Variants in JPH3 observed in about 807,000 individuals in gnomAD.
The protein encoded by JPH3 is junctophilin-3.
A neutral mutation model predicts 59.6 loss-of-function variants in JPH3; 11 were observed. The observed-to-expected ratio is 0.18, with a 90% CI of 0.12 to 0.31. JPH3 has a LOEUF of 0.31. Among genes scored for constraint, JPH3 ranks in the 10% least tolerant of loss-of-function variants. JPH3 has a pLI of 1.00. For synonymous variants in JPH3, 673 were observed against 483.6 expected, an observed-to-expected ratio of 1.39 and a Z score of -5.14; for missense variants, 1,202 against 1,105.7, an observed-to-expected ratio of 1.09 and a Z score of -1.24.
intron 1 of JPH3, among the ~76,000 whole-genome samples, chr16:87,625,893 C>T (rs1187947642): frequency 2.6e-5 from 4 of 152,196 alleles, no homozygotes; most frequent in African/African-American, 7.2e-5. Context: ...ATGACCTCCA[C>T]CTGCCAACCT....
At chr16:87,658,707 AC>A (rs939724875) in intron 2 of JPH3, among the ~76,000 whole-genome samples, 2 of 152,164 alleles carry the variant, frequency 1.3e-5, no homozygotes, top group East Asian at 3.9e-4. Flanking sequence ...AGGAGGACTC[AC>A]CCCCCTGCAG....
intron 1 of JPH3, chr16:87,604,056 C>G (rs1346365901): frequency 1.0e-6 from 1 of 984,862 alleles, no homozygotes; most frequent in African/African-American, 1.7e-5. Flanking sequence ...GGATGCCAAC[C>G]CGAACCAAAA....
At position 87,663,115 on chromosome 16, in the gene JPH3, C is replaced by CTTTTTTTTTTTTTTT. The variant is rs60196379; in HGVS notation, c.1160+18091_1160+18092insTTTTTTTTTTTTTTT. Among the ~76,000 whole-genome samples, 50 of 143,456 alleles carry CTTTTTTTTTTTTTTT rather than the reference C, an allele frequency of 3.5e-4. 2 individuals carry two copies. The highest frequency in any genetic ancestry group is 8.5e-4 in the African/African-American group (32 of 37,850). 94.1% of individuals were successfully genotyped at this position (143,456 alleles called of 152,430 possible). ...GTATTGTTTCAAGGTTAATTTCTTTCTTTTTTTTTTTGAGATGGAGTCGCG... is the reference window on the plus strand; with the variant it reads ...GTATTGTTTCAAGGTTAATTTCTTTCTTTTTTTTTTTTTTTTTTTTTTTTTTGAGATGGAGTCGCG... On this transcript the variant is annotated intron_variant, in intron 2 of 4. Transcript: ENST00000284262.
intron 4 of JPH3, chr16:87,694,117 A>AG (rs34736561): frequency 6.6e-6 from 1 of 152,410 alleles, no homozygotes; most frequent in Non-Finnish European, 1.5e-5. Flanking sequence ...GACCACAGGG[A>AG]GGGGAGGTGG....
intron 2 of JPH3, among the ~76,000 whole-genome samples, chr16:87,681,980 C>G (rs1313857987): frequency 6.6e-6 from 1 of 152,182 alleles, no homozygotes; most frequent in Non-Finnish European, 1.5e-5. Flanking sequence ...TGTGGACCCT[C>G]TGCTTGTGGC....
At chr16:87,654,158 C>T (rs764846280) in intron 2 of JPH3, 1 of 152,322 alleles carries the variant, frequency 6.6e-6, no homozygotes, top group Non-Finnish European at 1.5e-5. Context: ...TTGTGCCTTC[C>T]TCTTTGCATA....
chr16:87,689,097 C>G (rs890615933), intron 3 of JPH3, among the ~76,000 whole-genome samples: 1 of 152,150 alleles, frequency 6.6e-6, no homozygotes, highest in Non-Finnish European at 1.5e-5. Flanking sequence ...CTTGAAGCCC[C>G]AGCAGCCTCG....
intron 1 of JPH3, among the ~76,000 whole-genome samples, chr16:87,606,265 G>A (rs761241920): frequency 7.2e-5 from 11 of 152,260 alleles, no homozygotes; most frequent in African/African-American, 2.2e-4. Context: ...AGCCATCAGC[G>A]AAGCTCTGGA....
chr16:87,621,340 G>T (rs1011426285), intron 1 of JPH3, among the ~76,000 whole-genome samples: 1 of 152,158 alleles, frequency 6.6e-6, no homozygotes, highest in Non-Finnish European at 1.5e-5. Flanking sequence ...GACGGAGTCC[G>T]GGGGAGGGGG....
At chr16:87,667,017 C>T (rs1034470660) in intron 2 of JPH3, among the ~76,000 whole-genome samples, 5 of 152,214 alleles carry the variant, frequency 3.3e-5, no homozygotes, top group Non-Finnish European at 7.3e-5. Context: ...AACGCAGTCC[C>T]CCAGCTCCGG....
chr16:87,607,891 C>T lies in JPH3; in HGVS notation c.382+4363C>T, dbSNP rs150155427. On this transcript the variant is annotated intron_variant, in intron 1 of 4. Transcript: ENST00000284262. ...AGCGTTTTCTCCGAGATTCTCTTTCCGCTACTTCGGGGGGCGGGTGGTGAA... is the reference window on the plus strand; with the variant it reads ...AGCGTTTTCTCCGAGATTCTCTTTCTGCTACTTCGGGGGGCGGGTGGTGAA... Among the ~76,000 whole-genome samples, 247 of 152,336 alleles carry T rather than the reference C, an allele frequency of 1.6e-3. 2 individuals are homozygous for T. The highest frequency in any genetic ancestry group is 0.014 in the Admixed American group (211 of 15,312).
At chr16:87,680,857 T>C (rs984031951) in intron 2 of JPH3, among the ~76,000 whole-genome samples, 2 of 152,240 alleles carry the variant, frequency 1.3e-5, no homozygotes, top group African/African-American at 4.8e-5. Context: ...TGAACGTATA[T>C]ATGTAAACAC....
intron 2 of JPH3, among the ~76,000 whole-genome samples, chr16:87,658,270 C>T (rs369953405): frequency 8.5e-5 from 13 of 152,220 alleles, no homozygotes; most frequent in East Asian, 5.8e-4. Flanking sequence ...TCAGGCGTCC[C>T]GGCAGGGATT....
chr16:87,626,428 CGGCCATTG>C (rs2031378396), intron 1 of JPH3, among the ~76,000 whole-genome samples: 1 of 152,238 alleles, frequency 6.6e-6, no homozygotes, highest in Admixed American at 6.5e-5. Flanking sequence ...AGCACCACCA[CGGCCATTG>C]AGCCCAGTGC....
At chr16:87,660,699 AC>A (rs1301252091) in intron 2 of JPH3, among the ~76,000 whole-genome samples, 28 of 152,160 alleles carry the variant, frequency 1.8e-4, no homozygotes, top group African/African-American at 6.8e-4. Flanking sequence ...TGCCTCTTCC[AC>A]AGATGGACCC....
chr16:87,654,101 A>G (rs1282430908), intron 2 of JPH3: 1 of 152,100 alleles, frequency 6.6e-6, no homozygotes, highest in African/African-American at 2.4e-5. Context: ...TGCCTGGCTG[A>G]TATTCTGCAC....
chr16:87,681,038 G>A (rs953698514), intron 2 of JPH3, among the ~76,000 whole-genome samples: 2 of 152,216 alleles, frequency 1.3e-5, no homozygotes, highest in Non-Finnish European at 2.9e-5. Flanking sequence ...CGTCCTCTCC[G>A]GGAGCTTACG....
At chr16:87,653,754 A>G (rs1188802873) in intron 2 of JPH3, 3 of 152,190 alleles carry the variant, frequency 2.0e-5, no homozygotes, top group African/African-American at 4.8e-5. Flanking sequence ...CGTTGCAGAT[A>G]TAATTAAGAT....
intron 1 of JPH3, among the ~76,000 whole-genome samples, chr16:87,610,373 C>A (rs1451949513): frequency 6.6e-6 from 1 of 152,178 alleles, no homozygotes; most frequent in East Asian, 1.9e-4. Flanking sequence ...GTGCAGAAAG[C>A]TTTATTGGGC....
Sources: gnomAD v4.1 joint callset for allele counts (sites outside exome capture counted in the v4.1 genomes callset) on GRCh38, gnomAD v4.1.1 for gene constraint, MANE v1.5 for transcripts, NCBI Gene and HGNC (gene_info 2026-07-23, HGNC 2026-07-21) for gene names.